ANO4: variants seen among roughly 807,000 people sequenced by gnomAD.
The protein encoded by ANO4 is anoctamin 4, also known as anoctamin-4.
A neutral mutation model predicts 141.9 loss-of-function variants in ANO4; 69 were observed. The ratio of observed to expected loss-of-function variants is 0.49; its 90% CI spans 0.40 to 0.59. The LOEUF is 0.59. ANO4 is among the 20% of genes least tolerant of loss of function. The pLI is 0.00. For synonymous variants in ANO4, 350 were observed against 394.3 expected, an observed-to-expected ratio of 0.89 and a Z score of 1.33; for missense variants, 894 against 1,162.2, an observed-to-expected ratio of 0.77 and a Z score of 3.36.
rs545115453 is a variant in ANO4 at position 100,948,702 on chromosome 12, A to G, written c.456+6167A>G. On this transcript the variant is annotated intron_variant, in intron 5 of 27. Coordinates refer to ENST00000392977, the MANE Select transcript of ANO4 (RefSeq NM_001286615.2). Reference sequence around the variant, plus strand: ...GTGAAGGTGGCCCGCGAATGATAGCATTCTGTGTTACTTAGCTAGTCCTTG... The same window carrying G: ...GTGAAGGTGGCCCGCGAATGATAGCGTTCTGTGTTACTTAGCTAGTCCTTG... Among the ~76,000 whole-genome samples, 4 of 152,320 alleles carry G rather than the reference A, an allele frequency of 2.6e-5. No homozygotes were observed. In the South Asian group the frequency reaches 8.3e-4, roughly 32 times the overall value.
chr12:100,792,524 A>G (rs1308868943), upstream of ANO4, among the ~76,000 whole-genome samples: 1 of 152,258 alleles, frequency 6.6e-6, no homozygotes, highest in African/African-American at 2.4e-5. Context: ...CATTACAAAA[A>G]TTAATGTTGT....
intron 1 of ANO4, among the ~76,000 whole-genome samples, chr12:100,858,019 G>A (rs368117749): frequency 1.3e-5 from 2 of 152,104 alleles, no homozygotes; most frequent in African/African-American, 2.4e-5. Flanking sequence ...TCTATCACTG[G>A]TGATAGGAGA....
chr12:100,777,579 A>G (rs1036915841), intron 3 of ANO4, among the ~76,000 whole-genome samples: 18 of 152,114 alleles, frequency 1.2e-4, no homozygotes, highest in African/African-American at 4.1e-4. Context: ...TATAGATTCC[A>G]TTAGTTAAAA....
At chr12:100,938,794 T>C (rs188976787) in intron 3 of ANO4, among the ~76,000 whole-genome samples, 1 of 152,310 alleles carries the variant, frequency 6.6e-6, no homozygotes, top group African/African-American at 2.4e-5. Flanking sequence ...GTGCATGCTT[T>C]ATTGTTGCAT....
At chr12:100,722,083 G>T (rs1430893735) in intron 1 of ANO4, among the ~76,000 whole-genome samples, 1 of 152,126 alleles carries the variant, frequency 6.6e-6, no homozygotes, top group Non-Finnish European at 1.5e-5. Context: ...TGTCAAGTGC[G>T]CAGGAGCAGT....
rs1294172414 is a variant in ANO4, at chr12:101,097,962, C to G, written c.2006+17C>G. ...TGGCTACCCGTAAGTACCTTAGTAT[C>G]AATAATTGAGAGGCAGCATTGCTCA... On this transcript the variant is annotated intron_variant, in intron 21 of 27. Transcript: ENST00000392977. 3.1e-6 allele frequency: 5 copies of G among 1,602,492 alleles called. No individual in the cohort carries two copies. Among genetic ancestry groups the G allele is most frequent in the Non-Finnish European group, 4.3e-6 (5 of 1,170,398 alleles).
chr12:100,774,072 G>T (rs950737820), intron 3 of ANO4, among the ~76,000 whole-genome samples: 3 of 151,956 alleles, frequency 2.0e-5, no homozygotes, highest in African/African-American at 7.3e-5. Flanking sequence ...TTACTGTCTG[G>T]CCTTTTTATA....
At chr12:100,975,693 G>A (rs1002234401) in intron 7 of ANO4, among the ~76,000 whole-genome samples, 1 of 151,678 alleles carries the variant, frequency 6.6e-6, no homozygotes, top group African/African-American at 2.4e-5. Context: ...CGCCCACCTC[G>A]GCCTCCCAAA....
chr12:100,793,601 G>A (rs537636535), upstream of ANO4, among the ~76,000 whole-genome samples: 1 of 152,048 alleles, frequency 6.6e-6, no homozygotes, highest in African/African-American at 2.4e-5. Flanking sequence ...AAACCCGAGG[G>A]CATTTGTATA....
At chr12:100,720,113 G>C (rs1175156361) in intron 1 of ANO4, among the ~76,000 whole-genome samples, 1 of 152,162 alleles carries the variant, frequency 6.6e-6, no homozygotes, top group Non-Finnish European at 1.5e-5. Context: ...TGGGAGACAA[G>C]TATTTTTTAG....
In ANO4 at chr12:101,043,590, A is replaced by T; in HGVS notation, c.1206A>T (p.Lys402Asn). The T allele has an allele frequency of 1.2e-6, 2 of 1,613,862 alleles. No homozygotes were observed. Among genetic ancestry groups the T allele is most frequent in the Non-Finnish European group, 1.7e-6 (2 of 1,179,846 alleles). Reference protein sequence around the residue: ...TDIIMCPVCDKYCPFMRLSDS... With the variant: ...TDIIMCPVCDNYCPFMRLSDS... Reference sequence around the variant, plus strand: ...TCATCATGTGTCCTGTGTGTGATAAATACTGTCCATTCATGAGGCTGTCAG... The same window carrying T: ...TCATCATGTGTCCTGTGTGTGATAATTACTGTCCATTCATGAGGCTGTCAG... The change falls in exon 13 of 28, where the codon AAA becomes AAT. Residue 402 changes from lysine to asparagine, a missense_variant. This residue lies in a region of ANO4 where 637 missense variants were observed against 909.2 expected (regional missense o/e 0.70). Coordinates refer to ENST00000392977, the MANE Select transcript of ANO4 (RefSeq NM_001286615.2).
chr12:100,729,360 CAAAAAAAAAAA>C (rs1156522144), intron 1 of ANO4, among the ~76,000 whole-genome samples: 15 of 22,578 alleles, frequency 6.6e-4, no homozygotes, highest in Admixed American at 5.5e-3. Context: ...AACTCTGTCT[CAAAAAAAAAAA>C]AAAAAAAAAA....
At chr12:100,977,896 C>T (rs1333794787) in intron 7 of ANO4, among the ~76,000 whole-genome samples, 1 of 152,232 alleles carries the variant, frequency 6.6e-6, no homozygotes, top group Non-Finnish European at 1.5e-5. Flanking sequence ...CCATATTGAG[C>T]TCATCGTTTC....
chr12:100,758,186 G>C (rs1002466391), intron 3 of ANO4, among the ~76,000 whole-genome samples: 1 of 152,140 alleles, frequency 6.6e-6, no homozygotes, highest in Non-Finnish European at 1.5e-5. Flanking sequence ...AAAGATTTTG[G>C]CCCCAGAGTC....
chr12:100,959,007 G>A (rs947088322), intron 5 of ANO4, among the ~76,000 whole-genome samples: 3 of 152,050 alleles, frequency 2.0e-5, no homozygotes, highest in Non-Finnish European at 4.4e-5. Context: ...CCAAGATCTC[G>A]AATAGGTGGG....
At chr12:100,815,744 T>C (rs1297969616) in intron 1 of ANO4, among the ~76,000 whole-genome samples, 1 of 143,688 alleles carries the variant, frequency 7.0e-6, no homozygotes, top group African/African-American at 2.8e-5. Context: ...CAAATAACTT[T>C]ACATATATAT....
Position 101,110,413 on chromosome 12 carries a change from T to G in ANO4, c.2159T>G (p.Phe720Cys). The G allele has an allele frequency of 6.2e-7, 1 of 1,605,708 alleles. No individual in the cohort carries two copies. The highest frequency in any genetic ancestry group is 8.5e-7 in the Non-Finnish European group (1 of 1,177,246). The stretch of plus-strand genomic sequence containing the variant: ...CTTTTTTCTTTTCTAGTTCTTCAGT[T>G]TGGATTCACAACTATCTTTGTGGCA... ...FDEYLEMILQFGFTTIFVAAF... is the reference protein window; with the variant it reads ...FDEYLEMILQCGFTTIFVAAF... Residue 720 changes from phenylalanine (F) to cysteine (C), a missense_variant, in exon 23 of 28, where the codon TTT (phenylalanine) becomes TGT (cysteine). By Grantham distance (205) the Phe-to-Cys change is radical (BLOSUM62 -2). This residue lies in a region of ANO4 where 637 missense variants were observed against 909.2 expected (regional missense o/e 0.70). Transcript: ENST00000392977.
chr12:100,987,707 A>T (rs1200179715), intron 8 of ANO4, 37 bp downstream of exon 8: 3 of 1,609,494 alleles, frequency 1.9e-6, no homozygotes, highest in East Asian at 2.2e-5. Context: ...CTCACTAAGG[A>T]TGTGCAGCTG....
intron 3 of ANO4, among the ~76,000 whole-genome samples, chr12:100,782,978 T>C (rs1443673686): frequency 6.6e-6 from 1 of 152,188 alleles, no homozygotes; most frequent in Non-Finnish European, 1.5e-5. Flanking sequence ...ATTCAAGCAA[T>C]ACTCAGCCTG....
Sources: gnomAD v4.1 joint callset for allele counts (sites outside exome capture counted in the v4.1 genomes callset) on GRCh38, gnomAD v4.1.1 for gene constraint, gnomAD v4.1.1 regional missense constraint, MANE v1.5 for transcripts, NCBI Gene and HGNC (gene_info 2026-07-23, HGNC 2026-07-21) for gene names.